Variants in ESR1 observed in about 807,000 individuals in gnomAD.
ESR1 encodes the protein estrogen receptor 1, also known as estrogen receptor.
In ESR1, 12 loss-of-function variants were observed where a neutral mutation model predicts 52.7. That is an observed-to-expected ratio of 0.23 (90% CI 0.15 to 0.37). The LOEUF (loss-of-function observed/expected upper bound fraction) is 0.37, where lower values mean the gene tolerates loss of function less well. ESR1 is among the 10% of genes least tolerant of loss of function. The pLI is 1.00. For synonymous variants in ESR1, 305 were observed against 316.8 expected (o/e 0.96, Z 0.39); for missense variants, 584 against 779.7 (o/e 0.75, Z 2.99).
At chr6:151,785,277 C>T (rs1354261956) in intron 2 of ESR1, among the ~76,000 whole-genome samples, 6 of 152,056 alleles carry the variant, frequency 3.9e-5, no homozygotes, top group African/African-American at 1.4e-4. Context: ...AGTGCTTTGA[C>T]AGAATGGTCA....
intron 1 of ESR1, among the ~76,000 whole-genome samples, chr6:151,830,381 T>A (rs1782204048): frequency 6.6e-6 from 1 of 152,220 alleles, no homozygotes; most frequent in Admixed American, 6.5e-5. Context: ...AATAAATGAA[T>A]GAATTTCGTA....
intron 7 of ESR1, among the ~76,000 whole-genome samples, chr6:152,097,494 A>G (rs1343383337): frequency 6.6e-6 from 1 of 152,126 alleles, no homozygotes; most frequent in Non-Finnish European, 1.5e-5. Context: ...CAAGTCTCCA[A>G]CTTGAGCTGA....
At chr6:151,814,490 C>A (rs1779314774) in intron 1 of ESR1, among the ~76,000 whole-genome samples, 1 of 151,846 alleles carries the variant, frequency 6.6e-6, no homozygotes, top group Non-Finnish European at 1.5e-5. Flanking sequence ...TGGTTTATTT[C>A]TTTATTGACC....
chr6:151,893,017 C>T (rs564415209), intron 3 of ESR1, among the ~76,000 whole-genome samples: 4 of 152,202 alleles, frequency 2.6e-5, no homozygotes, highest in Admixed American at 6.5e-5. Flanking sequence ...GGTGAAACCC[C>T]GTCTCTACTA....
chr6:152,031,843 A>G lies in ESR1; in HGVS notation c.1235+20049A>G, dbSNP rs566509876. 5.2e-3 allele frequency among the ~76,000 whole-genome samples: 793 copies of G among 152,316 alleles called. 10 individuals carry two copies. Among genetic ancestry groups the G allele is most frequent in the African/African-American group, 0.018 (751 of 41,560 alleles). On this transcript the variant is annotated intron_variant, in intron 5 of 7. Transcript: ENST00000206249. ...CCTGGCAGAGACACAACAAAAAAAG[A>G]GAATTTTAGACCAATATCCCTGATG...
In ESR1 at chr6:151,928,074, T is replaced by A. The variant is rs143609488; in HGVS notation, c.761-16099T>A. ...AAGTTTATCAATTTTATTGCTCTTT[T>A]AAAATAACCAGTTTTTGTTTCACTG... is the stretch of plus-strand genomic sequence containing the variant. On this transcript the variant is annotated intron_variant, in intron 3 of 7. Coordinates refer to ENST00000206249, the MANE Select transcript of ESR1 (RefSeq NM_000125.4). 3.0e-4 allele frequency among the ~76,000 whole-genome samples: 46 copies of A among 152,272 alleles called. No individual in the cohort carries two copies. The East Asian group carries it at 7.7e-3, about 26-fold the overall frequency.
At chr6:151,936,084 G>A (rs2034321927) in intron 3 of ESR1, 1 of 152,172 alleles carries the variant, frequency 6.6e-6, no homozygotes, top group Non-Finnish European at 1.5e-5. Context: ...TTCATCTGAG[G>A]TCATCGGGAC....
chr6:151,881,439 T>A (rs909160536), intron 3 of ESR1, among the ~76,000 whole-genome samples: 1 of 152,076 alleles, frequency 6.6e-6, no homozygotes, highest in Non-Finnish European at 1.5e-5. Context: ...TTCTCATGTA[T>A]CCGATCTTCC....
intron 1 of ESR1, among the ~76,000 whole-genome samples, chr6:151,675,545 GA>G (rs897751520): frequency 1.5e-4 from 22 of 150,100 alleles, no homozygotes; most frequent in Non-Finnish European, 2.5e-4. Flanking sequence ...GAACTGGAAT[GA>G]AAAAAAAATC....
chr6:151,762,121 C>T (rs1464856212), intron 2 of ESR1, among the ~76,000 whole-genome samples: 1 of 152,182 alleles, frequency 6.6e-6, no homozygotes, highest in East Asian at 1.9e-4. Flanking sequence ...TTCCATTGAG[C>T]AGCTAAGGTT....
chr6:151,937,959 C>T (rs1404584499), intron 3 of ESR1, among the ~76,000 whole-genome samples: 1 of 152,132 alleles, frequency 6.6e-6, no homozygotes, highest in African/African-American at 2.4e-5. Context: ...AGAATTGATA[C>T]TGGGGAGTCT....
intron 2 of ESR1, among the ~76,000 whole-genome samples, chr6:151,780,833 T>A (rs1786478493): frequency 6.8e-6 from 1 of 147,290 alleles, no homozygotes; most frequent in East Asian, 1.9e-4. Flanking sequence ...CCTGAAACTG[T>A]TTTTGTCACT....
At chr6:152,021,495 A>G (rs1397137156) in intron 5 of ESR1, among the ~76,000 whole-genome samples, 1 of 152,234 alleles carries the variant, frequency 6.6e-6, no homozygotes, top group Non-Finnish European at 1.5e-5. Flanking sequence ...GGAGATATAG[A>G]AAACACACTG....
chr6:151,797,162 C>T (rs1389652876), intron 2 of ESR1, among the ~76,000 whole-genome samples: 2 of 152,300 alleles, frequency 1.3e-5, no homozygotes, highest in African/African-American at 2.4e-5. Flanking sequence ...AAAAAGTAAC[C>T]GGGTCTCATG....
At chr6:151,952,217 A>G (rs2036406901) in intron 4 of ESR1, among the ~76,000 whole-genome samples, 1 of 152,240 alleles carries the variant, frequency 6.6e-6, no homozygotes, top group South Asian at 2.1e-4. Context: ...CAGATAAATA[A>G]TAGTATCCCC....
At chr6:151,862,281 C>T (rs1260782861) in intron 2 of ESR1, among the ~76,000 whole-genome samples, 1 of 152,150 alleles carries the variant, frequency 6.6e-6, no homozygotes, top group East Asian at 1.9e-4. Flanking sequence ...GTTCTGTTGC[C>T]TTCTCCAAGG....
intron 6 of ESR1, among the ~76,000 whole-genome samples, chr6:152,114,618 G>T (rs891010122): frequency 6.6e-6 from 1 of 152,072 alleles, no homozygotes; most frequent in South Asian, 2.1e-4. Context: ...AAGGCCGGGC[G>T]CGGTGGCTCA....
chr6:151,918,177 A>G (rs2030762247), intron 3 of ESR1, among the ~76,000 whole-genome samples: 1 of 152,208 alleles, frequency 6.6e-6, no homozygotes, highest in South Asian at 2.1e-4. Flanking sequence ...ATGCTGTTGC[A>G]GCTGCTCCCT....
intron 1 of ESR1, among the ~76,000 whole-genome samples, chr6:151,833,680 T>C (rs917736818): frequency 6.6e-6 from 1 of 152,120 alleles, no homozygotes; most frequent in Admixed American, 6.5e-5. Context: ...CCTGCCACAG[T>C]GGAGGTTATG....
Sources: gnomAD v4.1 joint callset for allele counts (sites outside exome capture counted in the v4.1 genomes callset) on GRCh38, gnomAD v4.1.1 for gene constraint, MANE v1.5 for transcripts, NCBI Gene and HGNC (gene_info 2026-07-23, HGNC 2026-07-21) for gene names.